Variants in NEK7 observed in about 807,000 individuals in gnomAD.
NEK7 encodes serine/threonine-protein kinase Nek7.
NEK7 carries 18 observed loss-of-function variants against 44.6 expected under a neutral mutation model. The observed-to-expected ratio is 0.40, with a 90% CI of 0.28 to 0.60. The LOEUF (loss-of-function observed/expected upper bound fraction) is 0.60. Among genes scored for constraint, NEK7 ranks in the 20% least tolerant of loss-of-function variants. The pLI is 0.38. For missense variants in NEK7, 256 were observed against 366.5 expected (o/e 0.70, Z 2.46); for synonymous variants, 130 against 121.1 (o/e 1.07, Z -0.48).
Position 198,319,918 on chromosome 1 carries a change from T to G in NEK7, c.*396T>G, listed in dbSNP as rs539727315. ...TATCTGAACATGTGACTTGTTTCTT[T>G]TTTAGTAATTTATGGACATTGAGAT... On this transcript the variant is annotated 3_prime_UTR_variant, in exon 10 of 10. Transcript: ENST00000367385. The G allele has an allele frequency of 1.3e-3, 197 of 154,138 alleles. 1 individual carries two copies. The highest frequency in any genetic ancestry group is 4.4e-3 in the African/African-American group (184 of 41,632). 9.5% of individuals were successfully genotyped at this position (154,138 alleles called of 1,614,324 possible).
chr1:198,284,274 G>A lies in NEK7; in HGVS notation c.589+5213G>A, dbSNP rs866743866. 2.0e-5 allele frequency among the ~76,000 whole-genome samples: 3 copies of A among 152,066 alleles called. 1 individual carries two copies. The South Asian group carries it at 6.2e-4, about 32-fold the overall frequency. On this transcript the variant is annotated intron_variant, in intron 7 of 9. Transcript: ENST00000367385. ...AGCATGAAGTCTGTTTTTTCATTAT[G>A]TCAGTTCCTTGTGACATTTTTTCTT...
At chr1:198,195,575 CTTTGGGAGGCCG>C (rs1189129192) in intron 1 of NEK7, among the ~76,000 whole-genome samples, 4 of 152,162 alleles carry the variant, frequency 2.6e-5, no homozygotes, top group Admixed American at 1.3e-4. Context: ...GATCCCAGCA[CTTTGGGAGGCCG>C]AGGTGGCCGG....
intron 9 of NEK7, among the ~76,000 whole-genome samples, chr1:198,303,341 A>T (rs1654940176): frequency 6.6e-6 from 1 of 152,278 alleles, no homozygotes; most frequent in South Asian, 2.1e-4. Context: ...TTAAAAATAT[A>T]ACTGGGTTTC....
At chr1:198,309,466 C>CT in intron 9 of NEK7, among the ~76,000 whole-genome samples, 1 of 152,020 alleles carries the variant, frequency 6.6e-6, no homozygotes, top group East Asian at 1.9e-4. Flanking sequence ...TATTATTATA[C>CT]TTTAAGTTTT....
intron 2 of NEK7, among the ~76,000 whole-genome samples, chr1:198,246,672 A>T (rs1049746371): frequency 1.3e-5 from 2 of 152,392 alleles, no homozygotes; most frequent in Admixed American, 1.3e-4. Flanking sequence ...GCCAAAACAC[A>T]TTAGTAAGAC....
chr1:198,252,188 A>T (rs1478619098), intron 2 of NEK7, among the ~76,000 whole-genome samples: 1 of 151,842 alleles, frequency 6.6e-6, no homozygotes, highest in Non-Finnish European at 1.5e-5. Flanking sequence ...AGCGGTTTTG[A>T]GTGAGTTTCT....
intron 1 of NEK7, among the ~76,000 whole-genome samples, chr1:198,190,234 A>C (rs185765906): frequency 6.6e-6 from 1 of 152,174 alleles, no homozygotes; most frequent in East Asian, 1.9e-4. Context: ...TAAAGCATTC[A>C]TCTGGGAACA....
At position 198,238,775 on chromosome 1, in the gene NEK7, G is replaced by T. The variant is rs530454802; in HGVS notation, c.57+6138G>T. Among the ~76,000 whole-genome samples, 4 of 152,258 alleles carry T rather than the reference G, an allele frequency of 2.6e-5. No individual in the cohort carries two copies. The East Asian group carries it at 7.7e-4, about 29-fold the overall frequency. ...TTGACTCCAAGCCAATTAGTTTTTA[G>T]CTTTCACAGAGAAATCTCAAACATT... is the stretch of plus-strand genomic sequence containing the variant. On this transcript the variant is annotated intron_variant, in intron 2 of 9. Transcript: ENST00000367385.
At position 198,322,135 on chromosome 1, in the gene NEK7, C is replaced by T. The variant is rs763839804; in HGVS notation, c.*2613C>T. The T allele has an allele frequency of 3.3e-5, 5 of 152,098 alleles. No individual in the cohort carries two copies. The highest frequency in any genetic ancestry group is 7.4e-5 in the Non-Finnish European group (5 of 67,972). 9.4% of individuals were successfully genotyped at this position (152,098 alleles called of 1,614,324 possible). Reference sequence around the variant, plus strand: ...ACACCTTTCTTGTATCCATATACTTCAGGTGTTGCTGTTAACATTTACTAT... The same window carrying T: ...ACACCTTTCTTGTATCCATATACTTTAGGTGTTGCTGTTAACATTTACTAT... On this transcript the variant is annotated 3_prime_UTR_variant, in exon 10 of 10. Transcript: ENST00000367385.
intron 8 of NEK7, 109 bp downstream of exon 8, chr1:198,293,148 T>A: frequency 1.6e-6 from 1 of 610,804 alleles, no homozygotes; most frequent in Admixed American, 2.8e-5. Flanking sequence ...AATCACCTTT[T>A]TAATTGTGAA....
Position 198,214,196 on chromosome 1 carries a change from C to T in NEK7, c.-28-18357C>T, listed in dbSNP as rs550515646. ...AACCCAGTTGAATAAAAAATAAATA[C>T]GAAAATAATTAGTAAAAATAGTTTA... On this transcript the variant is annotated intron_variant, in intron 1 of 9. Transcript: ENST00000367385. Among the ~76,000 whole-genome samples the T allele has an allele frequency of 1.8e-4, 27 of 152,028 alleles. No individual in the cohort carries two copies. In the South Asian group the frequency reaches 5.2e-3, roughly 29 times the overall value.
intron 9 of NEK7, among the ~76,000 whole-genome samples, chr1:198,312,558 TTTCTC>T (rs1655223295): frequency 6.6e-6 from 1 of 152,194 alleles, no homozygotes; most frequent in African/African-American, 2.4e-5. Flanking sequence ...TCTTTCCTGG[TTTCTC>T]TTGTGGGCAT....
At chr1:198,161,858 A>C (rs1571491344) in intron 1 of NEK7, among the ~76,000 whole-genome samples, 1 of 152,102 alleles carries the variant, frequency 6.6e-6, no homozygotes, top group African/African-American at 2.4e-5. Context: ...ACCAAAACTT[A>C]CTCATATGTT....
chr1:198,200,402 A>G (rs1232510154), intron 1 of NEK7, among the ~76,000 whole-genome samples: 1 of 152,104 alleles, frequency 6.6e-6, no homozygotes, highest in Non-Finnish European at 1.5e-5. Flanking sequence ...GAGGCTTTAA[A>G]TGGTACCACC....
intron 1 of NEK7, among the ~76,000 whole-genome samples, chr1:198,187,991 C>G (rs1664969943): frequency 6.6e-6 from 1 of 152,188 alleles, no homozygotes; most frequent in African/African-American, 2.4e-5. Context: ...TGGTTTTAAT[C>G]AGACTGCTTT....
At chr1:198,222,558 G>A (rs541813841) in intron 1 of NEK7, among the ~76,000 whole-genome samples, 2 of 151,988 alleles carry the variant, frequency 1.3e-5, no homozygotes, top group Non-Finnish European at 2.9e-5. Context: ...AGCTAAAATC[G>A]TGGAATCATT....
chr1:198,287,754 CT>C (rs1027035364), intron 7 of NEK7, among the ~76,000 whole-genome samples: 3 of 151,462 alleles, frequency 2.0e-5, no homozygotes, highest in African/African-American at 7.3e-5. Flanking sequence ...CTAAAACTCT[CT>C]GATATTGATC....
At chr1:198,224,756 G>T (rs1053192577) in intron 1 of NEK7, among the ~76,000 whole-genome samples, 6 of 151,932 alleles carry the variant, frequency 3.9e-5, no homozygotes, top group Admixed American at 6.6e-5. Context: ...AATATATGTG[G>T]ATATAACCCA....
chr1:198,204,814 A>G (rs1473756786), intron 1 of NEK7, among the ~76,000 whole-genome samples: 1 of 151,882 alleles, frequency 6.6e-6, no homozygotes. Context: ...AATAAAACAC[A>G]TTTTATATAG....
Sources: allele counts gnomAD v4.1 joint callset (sites outside exome capture counted in the v4.1 genomes callset), GRCh38; gene constraint gnomAD v4.1.1; transcripts MANE v1.5; gene names NCBI Gene and HGNC (gene_info 2026-07-23, HGNC 2026-07-21).